Variants in RTTN observed in about 807,000 individuals in gnomAD.
The protein encoded by RTTN is rotatin.
In RTTN, 182 loss-of-function variants were observed where a neutral mutation model predicts 269.2. That is an observed-to-expected ratio of 0.68 (90% CI 0.60 to 0.76). RTTN has a LOEUF of 0.76. Among genes scored for constraint, RTTN ranks in the 30% least tolerant of loss-of-function variants. The probability of loss-of-function intolerance (pLI) is 0.00; values close to 1 mark genes in which losing one functional copy is unlikely to be tolerated. For synonymous variants in RTTN, 1,006 were observed against 963.5 expected, an observed-to-expected ratio of 1.04 and a Z score of -0.82; for missense variants, 2,545 against 2,608.6, an observed-to-expected ratio of 0.98 and a Z score of 0.53.
chr18:70,168,929 T>C lies in RTTN; in HGVS notation c.1615A>G (p.Ile539Val), dbSNP rs1274825484. ...LEQLNSENYS[I>V]YKRTAEAVYS... ...ACGGCCTCTGCAGTTCGTTTATAAATACTGTAGTTTTCAGAATTCAGCTGT... is the reference window on the plus strand; with the variant it reads ...ACGGCCTCTGCAGTTCGTTTATAAACACTGTAGTTTTCAGAATTCAGCTGT... Residue 539 changes from isoleucine to valine, a missense_variant, in exon 12 of 49, where the codon ATT (isoleucine) becomes GTT (valine). Physicochemically the swap from Ile to Val is conservative, Grantham distance 29. Transcript: ENST00000640769. 1 of 1,613,520 alleles carries C rather than the reference T, an allele frequency of 6.2e-7. No homozygotes were observed. Among genetic ancestry groups the C allele is most frequent in the East Asian group, 2.2e-5 (1 of 44,796 alleles).
At chr18:70,094,983 C>T (rs2058959522) in intron 28 of RTTN, among the ~76,000 whole-genome samples, 1 of 151,716 alleles carries the variant, frequency 6.6e-6, no homozygotes, top group Non-Finnish European at 1.5e-5. Context: ...AATCTGGGTG[C>T]TCCTGTATTG....
intron 10 of RTTN, among the ~76,000 whole-genome samples, chr18:70,185,994 T>C (rs759708729): frequency 1.5e-4 from 22 of 150,878 alleles, no homozygotes; most frequent in Non-Finnish European, 2.5e-4. Flanking sequence ...TTACAAAAGA[T>C]GCTCATAATC....
At chr18:70,014,942 A>C (rs1838759452) in intron 46 of RTTN, among the ~76,000 whole-genome samples, 1 of 152,206 alleles carries the variant, frequency 6.6e-6, no homozygotes, top group South Asian at 2.1e-4. Context: ...ACTTTCAATC[A>C]AAACTGGACT....
At chr18:70,048,591 T>A (rs2057560528) in intron 39 of RTTN, among the ~76,000 whole-genome samples, 1 of 151,616 alleles carries the variant, frequency 6.6e-6, no homozygotes, top group Non-Finnish European at 1.5e-5. Flanking sequence ...AAAATTGGAT[T>A]TATAATTTTG....
chr18:70,175,633 CA>C (rs10710822), intron 11 of RTTN, among the ~76,000 whole-genome samples: 139,534 of 143,804 alleles, frequency 0.97, 67,677 homozygotes, highest in Admixed American at 0.99. Flanking sequence ...TGCATGGGAC[CA>C]AAAAAAAAAA....
chr18:70,191,351 T>C (rs1324423004), intron 8 of RTTN, among the ~76,000 whole-genome samples: 2 of 152,206 alleles, frequency 1.3e-5, no homozygotes, highest in South Asian at 2.1e-4. Flanking sequence ...AGCAGATTTA[T>C]AGGAAAGCTC....
intron 32 of RTTN, among the ~76,000 whole-genome samples, chr18:70,079,096 T>C (rs1414826569): frequency 1.3e-5 from 2 of 152,248 alleles, no homozygotes; most frequent in East Asian, 3.9e-4. Flanking sequence ...ACATGCTATT[T>C]AGATATACAG....
chr18:70,127,671 GC>G lies in RTTN; in HGVS notation c.3213del (p.Leu1072CysfsTer24). The G allele has an allele frequency of 6.2e-7, 1 of 1,613,390 alleles. No individual in the cohort carries two copies. The highest frequency in any genetic ancestry group is 1.1e-5 in the South Asian group (1 of 91,060). Reference protein sequence around the residue: ...LTLKITHMASGLQDCLHSIVQ... With the variant: ...LTLKITHMASXLQDCLHSIVQ... Reference sequence around the variant, plus strand: ...ACAATGGAATGGAGGCAGTCCTGCAGCCCACTAGCCATGTGTGTTATCTTCA... The same window carrying G: ...ACAATGGAATGGAGGCAGTCCTGCAGCCACTAGCCATGTGTGTTATCTTCA... On this transcript the variant is annotated frameshift_variant, in exon 25 of 49. Coordinates refer to ENST00000640769, the MANE Select transcript of RTTN (RefSeq NM_173630.4). LOFTEE classifies it high-confidence loss of function.
At chr18:70,030,735 G>GA (rs536578163) in intron 41 of RTTN, 141 bp downstream of exon 41, 26 of 544,614 alleles carry the variant, frequency 4.8e-5, no homozygotes, top group Admixed American at 3.0e-4. Context: ...TTCTGTATGG[G>GA]AAAAAAAATT....
intron 46 of RTTN, among the ~76,000 whole-genome samples, chr18:70,017,195 T>C (rs2056566405): frequency 6.6e-6 from 1 of 152,092 alleles, no homozygotes; most frequent in Admixed American, 6.5e-5. Context: ...GTATGTGCAC[T>C]GGAATGACAT....
chr18:70,073,854 C>G, intron 34 of RTTN, 52 bp downstream of exon 34: 1 of 1,388,608 alleles, frequency 7.2e-7, no homozygotes, highest in Non-Finnish European at 1.0e-6. Context: ...TAGGCAAACT[C>G]AAATTTTTTC....
At chr18:70,052,744 CTTA>C (rs757279971) in intron 38 of RTTN, among the ~76,000 whole-genome samples, 53 of 150,770 alleles carry the variant, frequency 3.5e-4, no homozygotes, top group Admixed American at 9.9e-4. Flanking sequence ...TCATTTAAAA[CTTA>C]TTTTTTTCAG....
chr18:70,177,993 C>T (rs2061342316), intron 10 of RTTN, among the ~76,000 whole-genome samples: 1 of 152,206 alleles, frequency 6.6e-6, no homozygotes, highest in African/African-American at 2.4e-5. Context: ...CCCAGGTTAA[C>T]AGCAGCACTA....
chr18:70,139,958 T>TA (rs529472451), intron 20 of RTTN, 142 bp downstream of exon 20: 9,925 of 511,062 alleles, frequency 0.019, no homozygotes, highest in South Asian at 0.026. Context: ...TTTTCGAATT[T>TA]AAAAAAAAAA....
chr18:70,133,530 G>C (rs566904457), intron 23 of RTTN, among the ~76,000 whole-genome samples: 2 of 152,068 alleles, frequency 1.3e-5, no homozygotes, highest in Non-Finnish European at 2.9e-5. Flanking sequence ...TATATTCTTA[G>C]ACAGAATACT....
chr18:70,048,775 G>C (rs1265896610), intron 39 of RTTN, among the ~76,000 whole-genome samples: 1 of 151,886 alleles, frequency 6.6e-6, no homozygotes, highest in Non-Finnish European at 1.5e-5. Context: ...TCAAGTTCGA[G>C]AAAAGACTCT....
At position 70,205,123 on chromosome 18, in the gene RTTN, C is replaced by T; in HGVS notation, c.219+5G>A. 6.2e-7 allele frequency: 1 copy of T among 1,612,264 alleles called. No homozygotes were observed. The highest frequency in any genetic ancestry group is 1.7e-4 in the Middle Eastern group (1 of 6,052). ...ATTATTTTCTTTATTTCAAAATGAC[C>T]CTACCTTAACCAATCTGCTTAACAG... On this transcript the variant is annotated splice_donor_5th_base_variant and intron_variant, in intron 2 of 48. Coordinates refer to ENST00000640769, the MANE Select transcript of RTTN (RefSeq NM_173630.4).
At chr18:70,147,808 C>G (rs557392857) in intron 17 of RTTN, among the ~76,000 whole-genome samples, 2 of 152,070 alleles carry the variant, frequency 1.3e-5, no homozygotes, top group South Asian at 4.2e-4. Flanking sequence ...ACCTTGGGCC[C>G]GAAAAACAAA....
chr18:70,106,893 A>T (rs1300813097), intron 28 of RTTN, among the ~76,000 whole-genome samples: 1 of 152,144 alleles, frequency 6.6e-6, no homozygotes, highest in Non-Finnish European at 1.5e-5. Context: ...TCAAAATCTA[A>T]CTCTACAGTG....
Sources: allele counts gnomAD v4.1 joint callset (sites outside exome capture counted in the v4.1 genomes callset), GRCh38; gene constraint gnomAD v4.1.1; transcripts MANE v1.5; gene names NCBI Gene and HGNC (gene_info 2026-07-23, HGNC 2026-07-21).